Variants in TANC2 observed in about 807,000 individuals in gnomAD.
TANC2 encodes tetratricopeptide repeat, ankyrin repeat and coiled-coil containing 2.
In TANC2, 26 loss-of-function variants were observed where a neutral mutation model predicts 210.5. The observed-to-expected ratio is 0.12, with a 90% CI of 0.09 to 0.17. The LOEUF is 0.17. Ranked by LOEUF, TANC2 falls within the 10% of genes least tolerant of loss-of-function variation. The pLI is 1.00. For missense variants in TANC2, 2,129 were observed against 2,608.9 expected (o/e 0.82, Z 4.01); for synonymous variants, 931 against 967.1 (o/e 0.96, Z 0.69).
At chr17:63,014,548 G>A (rs1046306420) in intron 2 of TANC2, among the ~76,000 whole-genome samples, 1 of 152,070 alleles carries the variant, frequency 6.6e-6, no homozygotes, top group African/African-American at 2.4e-5. Context: ...TATTTGTTTA[G>A]TCACTTCTCT....
intron 5 of TANC2, among the ~76,000 whole-genome samples, chr17:63,167,884 C>CAAAAAAA (rs760465295): frequency 2.3e-4 from 15 of 63,978 alleles, no homozygotes; most frequent in East Asian, 1.5e-3. Context: ...GACTCTGTCT[C>CAAAAAAA]AAAAAAAAAA....
At chr17:63,193,836 G>T (rs1227592921) in intron 5 of TANC2, 155 bp from the exon 6 acceptor site, 2 of 670,842 alleles carry the variant, frequency 3.0e-6, no homozygotes, top group Non-Finnish European at 4.4e-6. Flanking sequence ...AATTTATATT[G>T]GGAGTGAGTA....
At chr17:63,278,363 A>G (rs553273014) in intron 9 of TANC2, among the ~76,000 whole-genome samples, 2 of 152,314 alleles carry the variant, frequency 1.3e-5, no homozygotes, top group East Asian at 1.9e-4. Flanking sequence ...GCCAATAGGT[A>G]TATGAAAAAA....
exon 18 of TANC2, chr17:63,395,892 G>C: frequency 6.2e-7 from 1 of 1,610,648 alleles, no homozygotes; most frequent in Non-Finnish European, 8.5e-7. Flanking sequence ...CCATCCAACA[G>C]GCCCTCATTG....
chr17:63,081,906 T>C (rs917704635), intron 3 of TANC2, among the ~76,000 whole-genome samples: 1 of 152,122 alleles, frequency 6.6e-6, no homozygotes, highest in Non-Finnish European at 1.5e-5. Context: ...GCCTCATGCC[T>C]GTAATCCCAG....
intron 8 of TANC2, 28 bp downstream of exon 8, chr17:63,238,105 T>A: frequency 6.6e-7 from 1 of 1,511,798 alleles, no homozygotes; most frequent in African/African-American, 1.4e-5. Flanking sequence ...TTGTTGTTGT[T>A]GCTGTTGTTA....
Position 63,137,350 on chromosome 17 carries a change from C to A in TANC2, c.323-13920C>A, listed in dbSNP as rs138425289. On this transcript the variant is annotated intron_variant, in intron 4 of 27. Coordinates refer to ENST00000689528, the Ensembl canonical transcript of TANC2. ...TAAGGCATAAAGAAGATGTTGATTT[C>A]TTTTGTGTTGTATACTTCAAATATC... is the stretch of plus-strand genomic sequence containing the variant. Among the ~76,000 whole-genome samples, 1,133 of 152,264 alleles carry A rather than the reference C, an allele frequency of 7.4e-3. 15 individuals are homozygous for A. Among genetic ancestry groups the A allele is most frequent in the African/African-American group, 0.026 (1,086 of 41,550 alleles).
Position 63,279,785 on chromosome 17 carries a change from C to A in TANC2, c.1159+11912C>A, listed in dbSNP as rs146156017. Among the ~76,000 whole-genome samples the A allele has an allele frequency of 2.5e-3, 386 of 152,176 alleles. 1 individual carries two copies. The highest frequency in any genetic ancestry group is 0.013 in the South Asian group (61 of 4,828). Reference sequence around the variant, plus strand: ...ACTGATTGTTCCCAAGGAGTCCCCCCCACCCATTTTTAACTTTTATTCCCC... The same window carrying A: ...ACTGATTGTTCCCAAGGAGTCCCCCACACCCATTTTTAACTTTTATTCCCC... On this transcript the variant is annotated intron_variant, in intron 9 of 27. Coordinates refer to ENST00000689528, the Ensembl canonical transcript of TANC2.
intron 1 of TANC2, among the ~76,000 whole-genome samples, chr17:62,986,003 C>T (rs1372810631): frequency 1.3e-5 from 2 of 152,142 alleles, no homozygotes; most frequent in African/African-American, 4.8e-5. Flanking sequence ...ATGGAGTAGG[C>T]TTCATAGGGA....
intron 4 of TANC2, among the ~76,000 whole-genome samples, chr17:63,125,828 C>T (rs1408672431): frequency 6.6e-6 from 1 of 152,156 alleles, no homozygotes; most frequent in Non-Finnish European, 1.5e-5. Flanking sequence ...ACACAGCAGG[C>T]CTTTTCATCT....
chr17:62,969,999 A>T (rs990321103), intron 1 of TANC2, among the ~76,000 whole-genome samples: 1 of 152,164 alleles, frequency 6.6e-6, no homozygotes, highest in African/African-American at 2.4e-5. Context: ...AAGTATTTAT[A>T]AAAATGTGTA....
At chr17:63,239,942 C>T (rs982500144) in intron 8 of TANC2, among the ~76,000 whole-genome samples, 1 of 152,074 alleles carries the variant, frequency 6.6e-6, no homozygotes, top group Non-Finnish European at 1.5e-5. Flanking sequence ...AGGTTGCACA[C>T]ACTTTTAAAT....
chr17:63,368,857 A>C (rs73992107), intron 14 of TANC2, among the ~76,000 whole-genome samples: 6,159 of 152,318 alleles, frequency 0.04, 436 homozygotes, highest in African/African-American at 0.14. Flanking sequence ...GAAAACGGGA[A>C]GATAAAAAGT....
chr17:63,328,376 A>ATATGTGTGTGTG (rs372249542), intron 11 of TANC2, among the ~76,000 whole-genome samples: 2 of 147,030 alleles, frequency 1.4e-5, no homozygotes, highest in African/African-American at 5.0e-5. Flanking sequence ...GTATGTGTAT[A>ATATGTGTGTGTG]TGTGTGTGTG....
At chr17:63,225,610 TA>T (rs1567831354) in intron 7 of TANC2, among the ~76,000 whole-genome samples, 1 of 152,224 alleles carries the variant, frequency 6.6e-6, no homozygotes, top group Non-Finnish European at 1.5e-5. Context: ...ATTCCCTAAG[TA>T]GATGGTACCA....
chr17:63,422,082 C>A, exon 28 of TANC2: 1 of 1,238,192 alleles, frequency 8.1e-7, no homozygotes, highest in Non-Finnish European at 1.1e-6. Context: ...GAGGTGGCAG[C>A]CCACATGCTG....
At chr17:63,190,762 C>T (rs182678096) in intron 5 of TANC2, among the ~76,000 whole-genome samples, 2 of 152,282 alleles carry the variant, frequency 1.3e-5, no homozygotes, top group East Asian at 3.9e-4. Context: ...TTGATACACA[C>T]AATATGGATG....
At chr17:63,382,659 C>A (rs537957924) in intron 15 of TANC2, among the ~76,000 whole-genome samples, 1 of 152,080 alleles carries the variant, frequency 6.6e-6, no homozygotes, top group East Asian at 1.9e-4. Context: ...TAATAGATAA[C>A]GCTTTTGTAT....
intron 12 of TANC2, among the ~76,000 whole-genome samples, chr17:63,348,384 C>A (rs867082782): frequency 6.6e-6 from 1 of 152,050 alleles, no homozygotes; most frequent in South Asian, 2.1e-4. Flanking sequence ...CCCTGGTGAA[C>A]GTGTATTTAC....
Sources: gnomAD v4.1 joint callset for allele counts (sites outside exome capture counted in the v4.1 genomes callset) on GRCh38, gnomAD v4.1.1 for gene constraint, MANE v1.5 for transcripts, NCBI Gene and HGNC (gene_info 2026-07-23, HGNC 2026-07-21) for gene names.